The following RBM25 variants were observed in gnomAD, a reference collection of about 807,000 sequenced individuals.
RBM25 encodes the protein RNA binding motif protein 25.
A neutral mutation model predicts 120.7 loss-of-function variants in RBM25; 19 were observed. That is an observed-to-expected ratio of 0.16 (90% CI 0.11 to 0.23). The LOEUF is 0.23. RBM25 is among the 10% of genes least tolerant of loss of function. The pLI is 1.00. For missense variants in RBM25, 605 were observed against 1,041.5 expected, an observed-to-expected ratio of 0.58 and a Z score of 5.77; for synonymous variants, 390 against 326.7, an observed-to-expected ratio of 1.19 and a Z score of -2.09.
At chr14:73,078,195 C>T (rs899653161) in intron 4 of RBM25, among the ~76,000 whole-genome samples, 36 of 152,002 alleles carry the variant, frequency 2.4e-4, no homozygotes, top group African/African-American at 4.8e-4. Context: ...CTCAGCTACT[C>T]GGGTGGCTGA....
In RBM25 at chr14:73,111,882, C is replaced by A. The variant is rs1246919757; in HGVS notation, c.2292+80C>A. 98 of 1,400,312 alleles carry A rather than the reference C, an allele frequency of 7.0e-5. No homozygotes were observed. The South Asian group carries it at 1.2e-3, about 17-fold the overall frequency. 86.7% of individuals were successfully genotyped at this position (1,400,312 alleles called of 1,614,324 possible). A position where few individuals can be genotyped will look rare whatever the true frequency, so the allele number is the denominator to read the frequency against. On this transcript the variant is annotated intron_variant, in intron 16 of 18. Coordinates refer to ENST00000261973, the MANE Select transcript of RBM25 (RefSeq NM_021239.3). ...ACAAATTCATTTGAAGAAAAAAAAA[C>A]CTCATTTGATTCTATTAATGACAAA...
chr14:73,090,691 C>T (rs1895794377), intron 6 of RBM25, among the ~76,000 whole-genome samples: 1 of 152,160 alleles, frequency 6.6e-6, no homozygotes, highest in Admixed American at 6.6e-5. Context: ...TGTAACCCAT[C>T]TCATTCCCAT....
chr14:73,096,382 G>T (rs1206879250), intron 6 of RBM25, among the ~76,000 whole-genome samples: 1 of 152,120 alleles, frequency 6.6e-6, no homozygotes, highest in Non-Finnish European at 1.5e-5. Flanking sequence ...ATAAGCACTC[G>T]TAGAAAGCAA....
At chr14:73,107,101 A>T (rs1896206913) in intron 12 of RBM25, among the ~76,000 whole-genome samples, 1 of 151,898 alleles carries the variant, frequency 6.6e-6, no homozygotes, top group Non-Finnish European at 1.5e-5. Flanking sequence ...TTGGCCTCCC[A>T]AAGTGCTGGG....
intron 1 of RBM25, chr14:73,069,733 C>G (rs1477463456): frequency 1.0e-5 from 1 of 95,282 alleles, no homozygotes; most frequent in Non-Finnish European, 2.0e-5. Flanking sequence ...CGTGCCTGGC[C>G]GACCCTGTTT....
chr14:73,085,765 AG>A (rs1298451315), intron 5 of RBM25, among the ~76,000 whole-genome samples: 1 of 152,168 alleles, frequency 6.6e-6, no homozygotes. Flanking sequence ...TATTTAATAC[AG>A]AATAGGCAGG....
intron 10 of RBM25, among the ~76,000 whole-genome samples, chr14:73,104,391 C>G (rs1433472715): frequency 1.4e-5 from 2 of 145,922 alleles, no homozygotes; most frequent in Non-Finnish European, 3.0e-5. Flanking sequence ...TTTTCTGAGA[C>G]AAGTTTTTGC....
intron 4 of RBM25, among the ~76,000 whole-genome samples, chr14:73,082,090 A>G (rs1201590422): frequency 6.6e-6 from 1 of 152,102 alleles, no homozygotes; most frequent in Non-Finnish European, 1.5e-5. Context: ...GGTTTGACCT[A>G]TGTGTTTTTG....
At chr14:73,099,097 G>T (rs984507959) in intron 7 of RBM25, among the ~76,000 whole-genome samples, 19 of 152,032 alleles carry the variant, frequency 1.2e-4, no homozygotes, top group African/African-American at 4.6e-4. Flanking sequence ...AGGAGTTATG[G>T]GTAAATATTG....
intron 1 of RBM25, chr14:73,068,387 A>AT (rs34314453): frequency 0.38 from 180,154 of 473,302 alleles, 23,277 homozygotes; most frequent in African/African-American, 0.57. Flanking sequence ...CTTGTATTTG[A>AT]TTTTTTTTTT....
chr14:73,115,503 T>C (rs927105131), intron 18 of RBM25, among the ~76,000 whole-genome samples: 1 of 152,224 alleles, frequency 6.6e-6, no homozygotes, highest in African/African-American at 2.4e-5. Flanking sequence ...AAGGACACTA[T>C]TTCGTTTTTT....
At chr14:73,114,139 A>C (rs1217706555) in intron 17 of RBM25, 147 bp from the exon 18 acceptor site, 11 of 558,330 alleles carry the variant, frequency 2.0e-5, no homozygotes, top group Non-Finnish European at 2.7e-5. Context: ...TTGAAGAATG[A>C]TATTCTGAAA....
chr14:73,120,862 A>G lies in RBM25; in HGVS notation c.*1057A>G, dbSNP rs1483381656. ...TCTGCTCGGCAATTTGTAAGTTTAC[A>G]TGTTATTTAAGGATAAAGGTAAATC... On this transcript the variant is annotated 3_prime_UTR_variant, in exon 19 of 19. Coordinates refer to ENST00000261973, the MANE Select transcript of RBM25 (RefSeq NM_021239.3). 1 of 152,236 alleles carries G rather than the reference A, an allele frequency of 6.6e-6. No homozygotes were observed. Among genetic ancestry groups the G allele is most frequent in the Non-Finnish European group, 1.5e-5 (1 of 68,022 alleles). The allele number at this position is 152,236 out of a possible 1,614,324, so 9.4% of individuals were successfully genotyped here. A position where few individuals can be genotyped will look rare whatever the true frequency, so the allele number is the denominator to read the frequency against.
Position 73,097,116 on chromosome 14 carries a change from A to G in RBM25, c.729+16A>G, listed in dbSNP as rs1275464928. On this transcript the variant is annotated intron_variant, in intron 7 of 18. Transcript: ENST00000261973. ...GAAGGAGGACGTATGTGTTCTGACA[A>G]CAACATATCATTTCTACCGTTTGTT... 6.4e-7 allele frequency: 1 copy of G among 1,571,176 alleles called. No homozygotes were observed. The highest frequency in any genetic ancestry group is 8.6e-7 in the Non-Finnish European group (1 of 1,159,352).
At chr14:73,105,038 T>C (rs77217249) in intron 10 of RBM25, among the ~76,000 whole-genome samples, 5 of 141,146 alleles carry the variant, frequency 3.5e-5, no homozygotes, top group Non-Finnish European at 4.5e-5. Context: ...ACATATTAAA[T>C]ACACACACAC....
intron 2 of RBM25, among the ~76,000 whole-genome samples, chr14:73,073,201 T>C (rs980347248): frequency 6.6e-6 from 1 of 152,142 alleles, no homozygotes; most frequent in African/African-American, 2.4e-5. Flanking sequence ...AGTTCTGGGA[T>C]TACAGATGTG....
At chr14:73,115,076 G>A (rs1378048210) in intron 18 of RBM25, among the ~76,000 whole-genome samples, 2 of 152,118 alleles carry the variant, frequency 1.3e-5, no homozygotes, top group Admixed American at 1.3e-4. Flanking sequence ...GGATAATGGA[G>A]GTAGAGGAGA....
intron 2 of RBM25, among the ~76,000 whole-genome samples, chr14:73,073,997 C>T (rs1457750731): frequency 6.6e-6 from 1 of 152,080 alleles, no homozygotes. Context: ...AAAGTTTTTT[C>T]TTAAAATGAA....
At chr14:73,068,617 A>G in intron 1 of RBM25, 4 of 461,802 alleles carry the variant, frequency 8.7e-6, no homozygotes, top group South Asian at 6.9e-5. Context: ...TCTGGCTGGC[A>G]TTACCACATC....
Sources: gnomAD v4.1 joint callset for allele counts (sites outside exome capture counted in the v4.1 genomes callset) on GRCh38, gnomAD v4.1.1 for gene constraint, MANE v1.5 for transcripts, NCBI Gene and HGNC (gene_info 2026-07-23, HGNC 2026-07-21) for gene names.